Variants in SDK2 observed in about 807,000 individuals in gnomAD.
SDK2 encodes the protein protein sidekick-2.
A neutral mutation model predicts 253.9 loss-of-function variants in SDK2; 105 were observed. That is an observed-to-expected ratio of 0.41 (90% CI 0.35 to 0.49). The LOEUF (loss-of-function observed/expected upper bound fraction) is 0.49, where lower values mean the gene tolerates loss of function less well. SDK2 is among the 20% of genes least tolerant of loss of function. SDK2 has a pLI of 0.06. For synonymous variants in SDK2, 1,249 were observed against 1,234.9 expected (o/e 1.01, Z -0.24); for missense variants, 2,608 against 3,003.0 (o/e 0.87, Z 3.07).
intron 1 of SDK2, among the ~76,000 whole-genome samples, chr17:73,566,334 T>TGTGTGTGTGTGTGTGC (rs2045312613): frequency 6.6e-6 from 1 of 151,178 alleles, no homozygotes; most frequent in South Asian, 2.1e-4. Flanking sequence ...TGTGTGTGTG[T>TGTGTGTGTGTGTGTGC]GTGTGTGTGT....
At chr17:73,473,684 A>G (rs1447752371) in intron 2 of SDK2, among the ~76,000 whole-genome samples, 1 of 152,184 alleles carries the variant, frequency 6.6e-6, no homozygotes, top group Non-Finnish European at 1.5e-5. Context: ...TGCATCAGAC[A>G]CTGTATTAAG....
chr17:73,547,188 C>T lies in SDK2; in HGVS notation c.65-39591G>A, dbSNP rs141214070. 3.9e-5 allele frequency among the ~76,000 whole-genome samples: 6 copies of T among 152,372 alleles called. No homozygotes were observed. In the East Asian group the frequency reaches 1.2e-3, roughly 29 times the overall value. Reference sequence around the variant, plus strand: ...AGAGTCCACGCCCTCCAGGCCTAGGCATGTTGCAAGGCTCTAAGCCACGCC... The same window carrying T: ...AGAGTCCACGCCCTCCAGGCCTAGGTATGTTGCAAGGCTCTAAGCCACGCC... On this transcript the variant is annotated intron_variant, in intron 1 of 44. Transcript: ENST00000392650.
At chr17:73,575,434 T>C (rs73351578) in intron 1 of SDK2, among the ~76,000 whole-genome samples, 31,275 of 152,164 alleles carry the variant, frequency 0.21, 3,644 homozygotes, top group African/African-American at 0.31. Flanking sequence ...GTTCCAGGCA[T>C]CATGTGAGGC....
rs1219675031 is a variant in SDK2 at position 73,383,029 on chromosome 17, A to G, written c.4705+847T>C. ...GGGCAACAGAGCGAGACTCTGTCTAAAAAAACCCAAAAAACAAAAAAACCT... is the reference window on the plus strand; with the variant it reads ...GGGCAACAGAGCGAGACTCTGTCTAGAAAAACCCAAAAAACAAAAAAACCT... On this transcript the variant is annotated intron_variant, in intron 33 of 44. Transcript: ENST00000392650. The surrounding 1 kb of genome is among the most constrained non-coding windows in gnomAD (Gnocchi z 4.3). Among the ~76,000 whole-genome samples the G allele has an allele frequency of 6.6e-6, 1 of 152,158 alleles. No individual in the cohort carries two copies. Among genetic ancestry groups the G allele is most frequent in the Non-Finnish European group, 1.5e-5 (1 of 68,030 alleles).
At chr17:73,472,281 T>A (rs925633600) in intron 2 of SDK2, 63 bp from the exon 3 acceptor site, 1 of 1,281,028 alleles carries the variant, frequency 7.8e-7, no homozygotes, top group East Asian at 2.5e-5. Context: ...AGAGGTCAGA[T>A]TGGGCTCAGA....
chr17:73,573,214 G>A (rs954725022), intron 1 of SDK2, among the ~76,000 whole-genome samples: 2 of 152,220 alleles, frequency 1.3e-5, no homozygotes, highest in South Asian at 2.1e-4. Context: ...GCAGGCGGTC[G>A]TTGGGCAATG....
intron 18 of SDK2, among the ~76,000 whole-genome samples, chr17:73,414,202 A>ACCAAG (rs1354700780): frequency 6.6e-6 from 1 of 151,704 alleles, no homozygotes; most frequent in Non-Finnish European, 1.5e-5. Context: ...CGCCCCTGCC[A>ACCAAG]CCAAGCCCAG....
chr17:73,602,914 A>G (rs1024511456), intron 1 of SDK2, among the ~76,000 whole-genome samples: 1 of 152,150 alleles, frequency 6.6e-6, no homozygotes, highest in Admixed American at 6.5e-5. Context: ...TAGTAAAGAC[A>G]GGGTTTTACC....
Position 73,338,938 on chromosome 17 carries a change from T to G in SDK2, c.6168A>C (p.Gly2056=), listed in dbSNP as rs377260309. The G allele has an allele frequency of 1.2e-6, 2 of 1,613,686 alleles. No individual in the cohort carries two copies. Among genetic ancestry groups the G allele is most frequent in the Non-Finnish European group, 1.7e-6 (2 of 1,179,614 alleles). ...EKPSEISDSQ[G]SDSEYEVDSN... is the part of the protein sequence containing the mutation. ...AGTCGACCTCGTACTCGCTGTCACT[T>G]CCCTGGGAGGACAGAGAATCAGGGT... Residue 2056 remains glycine, a splice_region_variant and synonymous_variant, in exon 45 of 45, where the codon GGA becomes GGC. Transcript: ENST00000392650. This position sits in a 1 kb window ranked among gnomAD's most constrained non-coding sequence, Gnocchi z 5.0.
chr17:73,438,201 G>A, intron 6 of SDK2, 47 bp from the exon 7 acceptor site: 2 of 1,499,782 alleles, frequency 1.3e-6, no homozygotes, highest in Non-Finnish European at 9.0e-7. Context: ...AGGACTCCCA[G>A]AGGCCTGAGA....
chr17:73,440,914 C>T lies in SDK2; in HGVS notation c.623G>A (p.Gly208Glu), dbSNP rs61752539. Reference protein sequence around the residue: ...PITLTVENVGGPADPIAPTII... With the variant: ...PITLTVENVGEPADPIAPTII... ...GGTGGGTGCGATGGGGTCTGCAGGC[C>T]CCCCTACATCTGGAGAGAGATCAGA... The change falls in exon 6 of 45, where the codon GGG becomes GAG. Residue 208 changes from glycine to glutamate, a missense_variant. Gly to Glu is a moderately conservative substitution (Grantham distance 98). Around this residue, in one of 2 missense-constraint regions of SDK2, gnomAD observed 1,505 missense variants for 1,859.1 expected, o/e 0.81. Coordinates refer to ENST00000392650, the MANE Select transcript of SDK2 (RefSeq NM_001144952.2). The T allele has an allele frequency of 5.3e-5, 82 of 1,549,928 alleles. No individual in the cohort carries two copies. The African/African-American group carries it at 1.1e-3, about 20-fold the overall frequency.
chr17:73,372,961 A>C (rs2062748931), intron 36 of SDK2, among the ~76,000 whole-genome samples: 1 of 152,208 alleles, frequency 6.6e-6, no homozygotes, highest in African/African-American at 2.4e-5. Context: ...CATGTTGTAC[A>C]TTAGATCTAG....
intron 1 of SDK2, among the ~76,000 whole-genome samples, chr17:73,509,544 C>T (rs2063961691): frequency 6.7e-6 from 1 of 150,278 alleles, no homozygotes; most frequent in Admixed American, 6.7e-5. Flanking sequence ...AAGCCCAGTG[C>T]TTTGGGAGGC....
Position 73,482,269 on chromosome 17 carries a change from C to CA in SDK2, c.225-10052dup, listed in dbSNP as rs147359884. On this transcript the variant is annotated intron_variant, in intron 2 of 44. Transcript: ENST00000392650. ...TGGCCTGCGTGACAAGACTCCATCT[C>CA]AAAAAAAAAAAGAAGAAGAAGCAGG... Among the ~76,000 whole-genome samples the CA allele has an allele frequency of 3.6e-3, 348 of 97,946 alleles. 1 individual carries two copies. The highest frequency in any genetic ancestry group is 9.7e-3 in the African/African-American group (277 of 28,452). The allele number at this position is 97,946 out of a possible 152,430, so 64.3% of individuals were successfully genotyped here. A position where few individuals can be genotyped will look rare whatever the true frequency, so the allele number is the denominator to read the frequency against.
At chr17:73,425,264 C>G (rs779339243) in intron 12 of SDK2, among the ~76,000 whole-genome samples, 3 of 151,884 alleles carry the variant, frequency 2.0e-5, no homozygotes, top group Non-Finnish European at 2.9e-5. Context: ...GCAGAACCAA[C>G]AGAAAAGTAA....
At position 73,443,669 on chromosome 17, in the gene SDK2, G is replaced by A. The variant is rs2063431903; in HGVS notation, c.614-2746C>T. 6.6e-6 allele frequency among the ~76,000 whole-genome samples: 1 copy of A among 152,230 alleles called. No individual in the cohort carries two copies. Among genetic ancestry groups the A allele is most frequent in the Non-Finnish European group, 1.5e-5 (1 of 68,046 alleles). On this transcript the variant is annotated intron_variant, in intron 5 of 44. Coordinates refer to ENST00000392650, the MANE Select transcript of SDK2 (RefSeq NM_001144952.2). The surrounding 1 kb of genome is among the most constrained non-coding windows in gnomAD (Gnocchi z 4.6). The stretch of plus-strand genomic sequence containing the variant: ...GGTGGCAGCCTGCAGGGCTCGATGG[G>A]GGCTGAGGTGGCCAGGGATGCTGGC...
chr17:73,635,615 A>G (rs2046320627), intron 1 of SDK2, among the ~76,000 whole-genome samples: 2 of 152,130 alleles, frequency 1.3e-5, no homozygotes, highest in African/African-American at 4.8e-5. Context: ...ATGGCAAATA[A>G]TATTTCCTTC....
intron 44 of SDK2, among the ~76,000 whole-genome samples, chr17:73,340,735 T>TTTTG (rs1471131913): frequency 5.3e-5 from 1 of 18,954 alleles, no homozygotes; most frequent in African/African-American, 1.2e-4. Context: ...AACCTTAAAG[T>TTTTG]TTTTTTTTTT....
At position 73,399,287 on chromosome 17, in the gene SDK2, G is replaced by A. The variant is rs941700917; in HGVS notation, c.2974C>T (p.Leu992Phe). 3.1e-5 allele frequency: 50 copies of A among 1,613,726 alleles called. No homozygotes were observed. Among genetic ancestry groups the A allele is most frequent in the Non-Finnish European group, 4.0e-5 (47 of 1,179,828 alleles). ...CCCAGGTTGGTGGGGGGCCCTGGGAGTTCTGGAAAAGGAGAACAGGGTGGG... is the reference window on the plus strand; with the variant it reads ...CCCAGGTTGGTGGGGGGCCCTGGGAATTCTGGAAAAGGAGAACAGGGTGGG... ...STISSGVPPE[L>F]PGPPTNLGIS... is the part of the protein sequence containing the mutation. The change falls in exon 22 of 45, where the codon CTC becomes TTC. Residue 992 changes from leucine to phenylalanine, a missense_variant and splice_region_variant. Physicochemically the swap from Leu to Phe is conservative, Grantham distance 22. Around this residue, in one of 2 missense-constraint regions of SDK2, gnomAD observed 1,505 missense variants for 1,859.1 expected, o/e 0.81. Coordinates refer to ENST00000392650, the MANE Select transcript of SDK2 (RefSeq NM_001144952.2).
Sources: allele counts gnomAD v4.1 joint callset (sites outside exome capture counted in the v4.1 genomes callset), GRCh38; gene constraint gnomAD v4.1.1; regional missense constraint gnomAD v4.1.1; non-coding constraint Gnocchi (gnomAD v3.1); transcripts MANE v1.5; gene names NCBI Gene and HGNC (gene_info 2026-07-23, HGNC 2026-07-21).